Variants in SGCD observed in about 807,000 individuals in gnomAD.
SGCD encodes sarcoglycan delta.
SGCD carries 18 observed loss-of-function variants against 36.6 expected under a neutral mutation model. The ratio of observed to expected loss-of-function variants is 0.49; its 90% CI spans 0.34 to 0.73. The LOEUF is 0.73. Among genes scored for constraint, SGCD ranks in the 30% least tolerant of loss-of-function variants. SGCD has a pLI of 0.01. For synonymous variants in SGCD, 133 were observed against 130.6 expected (o/e 1.02, Z -0.12); for missense variants, 387 against 346.7 (o/e 1.12, Z -0.92).
intron 3 of SGCD, among the ~76,000 whole-genome samples, chr5:156,417,987 G>T (rs1407016156): frequency 1.3e-5 from 2 of 152,142 alleles, no homozygotes; most frequent in Non-Finnish European, 2.9e-5. Flanking sequence ...GATGGTTTGG[G>T]TGACTTTCTT....
intron 3 of SGCD, among the ~76,000 whole-genome samples, chr5:156,180,828 C>G (rs1379800121): frequency 1.4e-5 from 2 of 140,152 alleles, no homozygotes; most frequent in Admixed American, 1.4e-4. Flanking sequence ...CTGGGTGGGA[C>G]AAGTTAAGGG....
intron 7 of SGCD, among the ~76,000 whole-genome samples, chr5:156,669,084 G>A (rs760037830): frequency 2.0e-5 from 3 of 152,134 alleles, no homozygotes; most frequent in Non-Finnish European, 2.9e-5. Flanking sequence ...TGGACAACTG[G>A]TGGTGAAGGC....
chr5:156,023,172 A>C (rs1028747646), intron 1 of SGCD, among the ~76,000 whole-genome samples: 1 of 152,176 alleles, frequency 6.6e-6, no homozygotes, highest in Admixed American at 6.5e-5. Context: ...TCTTAGGAGG[A>C]TTAAATTAGG....
rs1304268087 is a variant in SGCD at position 156,759,215 on chromosome 5, A to G, written c.700-2A>G. The G allele has an allele frequency of 6.2e-7, 1 of 1,612,564 alleles. No homozygotes were observed. The highest frequency in any genetic ancestry group is 8.5e-7 in the Non-Finnish European group (1 of 1,178,710). On this transcript the variant is annotated splice_acceptor_variant, in intron 8 of 8. Coordinates refer to ENST00000337851, the MANE Select transcript of SGCD (RefSeq NM_000337.6). LOFTEE classifies it high-confidence loss of function. ...GCTTTCCTTCCTATTCTCTGTCTTTAGATTAAGTTAGATGCTGCGAAAATC... is the reference window on the plus strand; with the variant it reads ...GCTTTCCTTCCTATTCTCTGTCTTTGGATTAAGTTAGATGCTGCGAAAATC...
intron 7 of SGCD, among the ~76,000 whole-genome samples, chr5:156,726,508 ACT>A (rs1172278961): frequency 1.3e-5 from 2 of 152,138 alleles, no homozygotes; most frequent in African/African-American, 4.8e-5. Flanking sequence ...CATGAAATTC[ACT>A]GTTTAACTGC....
chr5:156,554,293 T>C (rs1405558553), intron 4 of SGCD, among the ~76,000 whole-genome samples: 4 of 150,932 alleles, frequency 2.7e-5, no homozygotes, highest in African/African-American at 9.8e-5. Context: ...AGGCGAAGGT[T>C]GTAATGAGCT....
the SGCD span, among the ~76,000 whole-genome samples, chr5:155,801,405 G>A: frequency 6.6e-6 from 1 of 152,146 alleles, no homozygotes; most frequent in Admixed American, 6.5e-5. Context: ...ATTCTCAAAA[G>A]GGTTAATGTT....
At chr5:155,950,279 A>G (rs1189118376) in intron 1 of SGCD, among the ~76,000 whole-genome samples, 2 of 152,142 alleles carry the variant, frequency 1.3e-5, no homozygotes, top group Non-Finnish European at 2.9e-5. Context: ...GTTTCTCTCC[A>G]GACCTTCTGC....
intron 1 of SGCD, among the ~76,000 whole-genome samples, chr5:156,096,180 G>T (rs1049118376): frequency 6.6e-6 from 1 of 152,230 alleles, no homozygotes; most frequent in African/African-American, 2.4e-5. Flanking sequence ...GCCCTGTCCA[G>T]TAACATGGAT....
chr5:156,161,646 T>A (rs1763089332), intron 3 of SGCD, among the ~76,000 whole-genome samples: 1 of 151,848 alleles, frequency 6.6e-6, no homozygotes, highest in South Asian at 2.1e-4. Flanking sequence ...CTGCTTATAC[T>A]TTCTAATTCT....
At chr5:156,290,765 G>T (rs532203243) in intron 3 of SGCD, among the ~76,000 whole-genome samples, 2 of 152,108 alleles carry the variant, frequency 1.3e-5, no homozygotes, top group Admixed American at 6.6e-5. Context: ...TTAAAATAAG[G>T]TTCTGAGATG....
chr5:156,021,231 A>T (rs1276448190), intron 1 of SGCD, among the ~76,000 whole-genome samples: 1 of 152,174 alleles, frequency 6.6e-6, no homozygotes, highest in Non-Finnish European at 1.5e-5. Flanking sequence ...GGGGCTTTTC[A>T]TAATTTTTTA....
intron 3 of SGCD, among the ~76,000 whole-genome samples, chr5:156,222,028 A>G (rs1309335743): frequency 6.6e-6 from 1 of 152,060 alleles, no homozygotes; most frequent in Non-Finnish European, 1.5e-5. Context: ...AGGGTCTGTC[A>G]TGTTGAAACG....
intron 4 of SGCD, among the ~76,000 whole-genome samples, chr5:156,578,389 T>C (rs1760076566): frequency 6.6e-6 from 1 of 152,172 alleles, no homozygotes; most frequent in Non-Finnish European, 1.5e-5. Context: ...TTTTGTAGTG[T>C]CTCTGCCAGG....
chr5:155,794,398 GT>G, the SGCD span, among the ~76,000 whole-genome samples: 1 of 152,140 alleles, frequency 6.6e-6, no homozygotes, highest in South Asian at 2.1e-4. Flanking sequence ...ATATGACAGA[GT>G]TTTTGAAATG....
the SGCD span, among the ~76,000 whole-genome samples, chr5:155,856,638 C>A: frequency 6.6e-6 from 1 of 151,876 alleles, no homozygotes; most frequent in African/African-American, 2.4e-5. Context: ...ATAAAAATTT[C>A]TTAAATTTTA....
intron 3 of SGCD, among the ~76,000 whole-genome samples, chr5:156,349,806 C>T (rs1580856786): frequency 6.6e-6 from 1 of 151,826 alleles, no homozygotes; most frequent in Non-Finnish European, 1.5e-5. Flanking sequence ...ATTTTTTTTG[C>T]AGCACATTTC....
chr5:156,595,689 C>T (rs932585883), intron 6 of SGCD, among the ~76,000 whole-genome samples: 10 of 152,206 alleles, frequency 6.6e-5, no homozygotes, highest in South Asian at 2.1e-4. Flanking sequence ...GCGTGCTTGA[C>T]GCATTCCAGA....
At chr5:156,515,658 T>C (rs1268715044) in intron 4 of SGCD, among the ~76,000 whole-genome samples, 1 of 152,222 alleles carries the variant, frequency 6.6e-6, no homozygotes, top group African/African-American at 2.4e-5. Flanking sequence ...GATCAGAAGA[T>C]ACCCTTGTGA....
Sources: gnomAD v4.1 joint callset for allele counts (sites outside exome capture counted in the v4.1 genomes callset) on GRCh38, gnomAD v4.1.1 for gene constraint, MANE v1.5 for transcripts, NCBI Gene and HGNC (gene_info 2026-07-23, HGNC 2026-07-21) for gene names.